AFF1: variants seen among roughly 807,000 people sequenced by gnomAD.
The protein encoded by AFF1 is ALF transcription elongation factor 1.
AFF1 carries 48 observed loss-of-function variants against 121.7 expected under a neutral mutation model. The ratio of observed to expected loss-of-function variants is 0.39; its 90% confidence interval spans 0.31 to 0.50. AFF1 has a LOEUF of 0.50. Among genes scored for constraint, AFF1 ranks in the 20% least tolerant of loss-of-function variants. AFF1 has a pLI of 0.76. For synonymous variants in AFF1, 613 were observed against 563.0 expected (o/e 1.09, Z -1.26); for missense variants, 1,523 against 1,511.7 (o/e 1.01, Z -0.12).
intron 2 of AFF1, chr4:87,020,737 G>T (rs1044931658): frequency 3.2e-6 from 3 of 935,272 alleles, no homozygotes; most frequent in Non-Finnish European, 3.8e-6. Context: ...GCCTGCCTCA[G>T]CCTCTCAAAA....
intron 4 of AFF1, among the ~76,000 whole-genome samples, chr4:87,060,867 A>AC (rs1720711059): frequency 2.4e-5 from 1 of 41,066 alleles, no homozygotes; most frequent in Admixed American, 2.0e-4. Context: ...AAAAAAAAAA[A>AC]CACAAAAAAA....
chr4:86,966,331 C>T (rs369792581), intron 2 of AFF1, among the ~76,000 whole-genome samples: 89 of 152,236 alleles, frequency 5.8e-4, no homozygotes, highest in African/African-American at 2.0e-3. Context: ...CCTTGTGATT[C>T]TGATGAGGCC....
intron 8 of AFF1, 70 bp from the exon 9 acceptor site, chr4:87,105,558 A>G (rs748936882): frequency 3.8e-6 from 6 of 1,562,270 alleles, no homozygotes; most frequent in Non-Finnish European, 1.8e-6. Flanking sequence ...CATATTTTCT[A>G]TTTACATGCT....
chr4:87,085,455 T>C (rs1228401537), intron 5 of AFF1, among the ~76,000 whole-genome samples: 4 of 151,758 alleles, frequency 2.6e-5, no homozygotes, highest in Non-Finnish European at 4.4e-5. Flanking sequence ...TTTTTTTAAT[T>C]AGTAGAGAGA....
intron 4 of AFF1, among the ~76,000 whole-genome samples, chr4:87,072,053 T>TA (rs1446738396): frequency 4.6e-5 from 7 of 152,204 alleles, no homozygotes; most frequent in East Asian, 3.9e-4. Context: ...GAGAAAATAA[T>TA]ATGAATGCTT....
Position 87,053,141 on chromosome 4 carries a change from C to T in AFF1, c.1059+5547C>T, listed in dbSNP as rs567713567. The stretch of plus-strand genomic sequence containing the variant: ...TAGTAGGTATTTAAAACCTTGGGAC[C>T]GAGCATGTGTACCTAAGAATCCTTA... On this transcript the variant is annotated intron_variant, in intron 4 of 20. Transcript: ENST00000395146. Among the ~76,000 whole-genome samples the T allele has an allele frequency of 1.6e-3, 246 of 152,220 alleles. No individual in the cohort carries two copies. The Middle Eastern group carries it at 0.02, about 13-fold the overall frequency.
At chr4:86,945,383 G>T (rs1720782308) in intron 1 of AFF1, among the ~76,000 whole-genome samples, 1 of 145,188 alleles carries the variant, frequency 6.9e-6, no homozygotes, top group African/African-American at 2.6e-5. Flanking sequence ...GAAGTGCAGT[G>T]GTGTGATCAC....
At chr4:86,957,317 C>T (rs1721813751) in intron 2 of AFF1, among the ~76,000 whole-genome samples, 1 of 152,156 alleles carries the variant, frequency 6.6e-6, no homozygotes, top group Non-Finnish European at 1.5e-5. Context: ...ACTAGTCAGC[C>T]TACTTTAGGA....
chr4:86,962,902 T>C (rs1722251743), intron 2 of AFF1, among the ~76,000 whole-genome samples: 1 of 152,142 alleles, frequency 6.6e-6, no homozygotes, highest in South Asian at 2.1e-4. Flanking sequence ...CGGTGGCTTA[T>C]GCCTGTAAAA....
At chr4:87,133,539 A>G (rs1469492312) in intron 19 of AFF1, among the ~76,000 whole-genome samples, 1 of 152,212 alleles carries the variant, frequency 6.6e-6, no homozygotes, top group Non-Finnish European at 1.5e-5. Context: ...TAGATTGTCA[A>G]TCACATTATT....
intron 2 of AFF1, among the ~76,000 whole-genome samples, chr4:86,984,487 A>G (rs908853489): frequency 6.6e-6 from 1 of 151,800 alleles, no homozygotes; most frequent in Non-Finnish European, 1.5e-5. Flanking sequence ...ATGTGCAGCT[A>G]ATTTCTTTTG....
intron 4 of AFF1, among the ~76,000 whole-genome samples, chr4:87,069,502 A>G (rs1008947118): frequency 3.8e-5 from 4 of 104,552 alleles, no homozygotes; most frequent in African/African-American, 2.1e-4. Flanking sequence ...TCCTCTCTCC[A>G]TCTTTTCTCT....
chr4:86,957,647 A>G (rs1025052967), intron 2 of AFF1, among the ~76,000 whole-genome samples: 3 of 152,070 alleles, frequency 2.0e-5, no homozygotes, highest in Admixed American at 6.6e-5. Flanking sequence ...GGTTCAAGCA[A>G]TTCTCCTGCC....
At chr4:87,122,505 T>A (rs986914162) in intron 12 of AFF1, among the ~76,000 whole-genome samples, 10 of 152,240 alleles carry the variant, frequency 6.6e-5, no homozygotes, top group African/African-American at 1.7e-4. Context: ...CAGGATCTGC[T>A]ATGGGTCCAT....
At chr4:87,041,243 G>T (rs953486290) in intron 2 of AFF1, among the ~76,000 whole-genome samples, 31 of 152,124 alleles carry the variant, frequency 2.0e-4, no homozygotes, top group African/African-American at 7.5e-4. Flanking sequence ...ACTCTCACAG[G>T]GTTGTTGTGA....
intron 2 of AFF1, among the ~76,000 whole-genome samples, chr4:86,979,341 C>T (rs1723550907): frequency 6.6e-6 from 1 of 152,096 alleles, no homozygotes; most frequent in Non-Finnish European, 1.5e-5. Context: ...TCAGGTGATC[C>T]TCCCGCCTCG....
At chr4:87,006,781 G>T (rs913608854) in intron 2 of AFF1, among the ~76,000 whole-genome samples, 6 of 152,228 alleles carry the variant, frequency 3.9e-5, no homozygotes, top group African/African-American at 1.4e-4. Flanking sequence ...CACTCTCGAG[G>T]AGCCCGCAGG....
At chr4:86,999,783 C>T (rs1300813073) in intron 2 of AFF1, among the ~76,000 whole-genome samples, 1 of 152,006 alleles carries the variant, frequency 6.6e-6, no homozygotes, top group Non-Finnish European at 1.5e-5. Context: ...GGGAGGTGGT[C>T]ACTGGCATCA....
intron 2 of AFF1, among the ~76,000 whole-genome samples, chr4:87,024,289 G>A (rs370969111): frequency 3.3e-5 from 5 of 152,202 alleles, no homozygotes; most frequent in African/African-American, 1.2e-4. Context: ...ATATGGGTGG[G>A]GTGTCTGTTT....
Sources: gnomAD v4.1 joint callset for allele counts (sites outside exome capture counted in the v4.1 genomes callset) on GRCh38, gnomAD v4.1.1 for gene constraint, MANE v1.5 for transcripts, NCBI Gene and HGNC (gene_info 2026-07-23, HGNC 2026-07-21) for gene names.